ADAMTS17: variants seen among roughly 807,000 people sequenced by gnomAD.
ADAMTS17 encodes ADAM metallopeptidase with thrombospondin type 1 motif 17.
Under a neutral mutation model 141.5 loss-of-function variants are expected in ADAMTS17, and 113 were observed. The observed-to-expected ratio is 0.80, with a 90% CI of 0.69 to 0.93. ADAMTS17 has a LOEUF of 0.93. ADAMTS17 is among the 40% of genes least tolerant of loss of function. The pLI is 0.00. For missense variants in ADAMTS17, 1,659 were observed against 1,517.9 expected, an observed-to-expected ratio of 1.09 and a Z score of -1.54; for synonymous variants, 768 against 630.6, an observed-to-expected ratio of 1.22 and a Z score of -3.27.
intron 3 of ADAMTS17, among the ~76,000 whole-genome samples, chr15:100,314,641 G>C (rs1490113940): frequency 2.0e-5 from 3 of 152,192 alleles, no homozygotes; most frequent in African/African-American, 2.4e-5. Flanking sequence ...CAAGTAAAGG[G>C]GACAAGGATA....
chr15:100,225,507 T>C (rs902167071), intron 7 of ADAMTS17, among the ~76,000 whole-genome samples: 1 of 151,408 alleles, frequency 6.6e-6, no homozygotes, highest in Non-Finnish European at 1.5e-5. Context: ...ATTCAGTCCT[T>C]ACAGCAGTCA....
At chr15:100,312,301 A>AC (rs2045431227) in intron 3 of ADAMTS17, among the ~76,000 whole-genome samples, 1 of 152,212 alleles carries the variant, frequency 6.6e-6, no homozygotes, top group Admixed American at 6.5e-5. Flanking sequence ...AAAAGACTCA[A>AC]CAGCCACTGC....
At chr15:100,260,745 T>C (rs1453333327) in intron 6 of ADAMTS17, among the ~76,000 whole-genome samples, 2 of 152,046 alleles carry the variant, frequency 1.3e-5, no homozygotes, top group African/African-American at 2.4e-5. Context: ...ATTCACAGAG[T>C]TGGAAAAGCA....
intron 15 of ADAMTS17, among the ~76,000 whole-genome samples, chr15:100,085,933 A>G (rs1439319084): frequency 1.3e-5 from 2 of 152,066 alleles, no homozygotes; most frequent in Non-Finnish European, 2.9e-5. Flanking sequence ...AAGAAACTGC[A>G]TCAACTAATG....
intron 18 of ADAMTS17, among the ~76,000 whole-genome samples, chr15:100,028,806 TCTTCTACCTTTGC>T (rs1951619074): frequency 6.6e-6 from 1 of 152,222 alleles, no homozygotes; most frequent in Admixed American, 6.5e-5. Flanking sequence ...TTGCCTGCTT[TCTTCTACCTTTGC>T]CTTCTACCTT....
chr15:100,151,103 G>T (rs181784891), intron 10 of ADAMTS17, among the ~76,000 whole-genome samples: 1 of 152,262 alleles, frequency 6.6e-6, no homozygotes, highest in Admixed American at 6.5e-5. Flanking sequence ...TCTCCCCATG[G>T]AGGTGTCCTT....
intron 8 of ADAMTS17, among the ~76,000 whole-genome samples, chr15:100,193,966 C>G (rs1370001574): frequency 2.0e-5 from 3 of 152,226 alleles, no homozygotes; most frequent in Non-Finnish European, 2.9e-5. Context: ...TGGGCCGGCT[C>G]CCAGGGCCAG....
chr15:100,070,547 AGAC>A (rs2033893243), intron 15 of ADAMTS17, among the ~76,000 whole-genome samples: 1 of 150,268 alleles, frequency 6.7e-6, no homozygotes, highest in Non-Finnish European at 1.5e-5. Flanking sequence ...ACTGTCTCTC[AGAC>A]CACGGTGCAA....
At chr15:100,017,212 A>G (rs1456375473) in intron 18 of ADAMTS17, among the ~76,000 whole-genome samples, 1 of 152,200 alleles carries the variant, frequency 6.6e-6, no homozygotes, top group Non-Finnish European at 1.5e-5. Context: ...CTCACTCGCA[A>G]CGTGCCCCCT....
In ADAMTS17 at chr15:100,095,653, G is replaced by A. The variant is rs900947119; in HGVS notation, c.2137+703C>T. Among the ~76,000 whole-genome samples, 15 of 152,150 alleles carry A rather than the reference G, an allele frequency of 9.9e-5. No individual in the cohort carries two copies. The East Asian group carries it at 1.5e-3, about 16-fold the overall frequency. On this transcript the variant is annotated intron_variant, in intron 15 of 21. Coordinates refer to ENST00000268070, the MANE Select transcript of ADAMTS17 (RefSeq NM_139057.4). ...CCTCTCCAGCTGGCTTGCCTGCCTC[G>A]TGCTCCCCTCACTAGGTGTCAACTA...
intron 18 of ADAMTS17, among the ~76,000 whole-genome samples, chr15:100,036,930 G>A (rs72768065): frequency 0.032 from 4,830 of 152,128 alleles, 94 homozygotes; most frequent in Non-Finnish European, 0.052. Context: ...ATAATATTGC[G>A]CTGCCTGAAT....
intron 8 of ADAMTS17, among the ~76,000 whole-genome samples, chr15:100,165,946 T>C (rs770035478): frequency 3.3e-5 from 5 of 152,186 alleles, no homozygotes; most frequent in Admixed American, 6.5e-5. Flanking sequence ...TTCTTCCCTA[T>C]GATTTTAGCT....
chr15:100,282,623 G>A (rs549863659), intron 3 of ADAMTS17, among the ~76,000 whole-genome samples: 33 of 152,278 alleles, frequency 2.2e-4, no homozygotes, highest in East Asian at 1.2e-3. Flanking sequence ...CTGGTTGACC[G>A]TGAATAAATG....
intron 4 of ADAMTS17, among the ~76,000 whole-genome samples, chr15:100,263,974 G>C (rs531146325): frequency 6.6e-6 from 1 of 152,326 alleles, no homozygotes; most frequent in East Asian, 1.9e-4. Flanking sequence ...AGCCAGGCAC[G>C]CAGTGTTTGA....
intron 7 of ADAMTS17, among the ~76,000 whole-genome samples, chr15:100,216,433 C>T (rs938544537): frequency 2.6e-5 from 4 of 152,178 alleles, no homozygotes; most frequent in African/African-American, 9.7e-5. Context: ...TGAAGAACAG[C>T]AAAGAGCTGG....
At chr15:100,243,745 C>G (rs1291409952) in intron 7 of ADAMTS17, among the ~76,000 whole-genome samples, 1 of 150,088 alleles carries the variant, frequency 6.7e-6, no homozygotes, top group Non-Finnish European at 1.5e-5. Context: ...AGCGGAGATC[C>G]TGCCACTGCA....
At chr15:100,082,399 G>C (rs1440340645) in intron 15 of ADAMTS17, among the ~76,000 whole-genome samples, 1 of 133,814 alleles carries the variant, frequency 7.5e-6, no homozygotes. Flanking sequence ...TTTTTTTTTT[G>C]AGACAGGGTC....
In ADAMTS17 at chr15:100,108,678, T is replaced by C. The variant is rs548013734; in HGVS notation, c.2016+311A>G. Among the ~76,000 whole-genome samples the C allele has an allele frequency of 1.4e-4, 21 of 152,348 alleles. No homozygotes were observed. The East Asian group carries it at 3.9e-3, about 28-fold the overall frequency. Reference sequence around the variant, plus strand: ...TGGGGCCTGGCTTGTGCAGACATCCTTTAGGCGCATCTTAGTACCCTGCCT... The same window carrying C: ...TGGGGCCTGGCTTGTGCAGACATCCCTTAGGCGCATCTTAGTACCCTGCCT... On this transcript the variant is annotated intron_variant, in intron 14 of 21. Transcript: ENST00000268070.
At chr15:100,232,767 C>T (rs1173536983) in intron 7 of ADAMTS17, among the ~76,000 whole-genome samples, 1 of 152,208 alleles carries the variant, frequency 6.6e-6, no homozygotes, top group Non-Finnish European at 1.5e-5. Flanking sequence ...CCAGGCCCTC[C>T]TCTCACTGCC....
Sources: gnomAD v4.1 joint callset for allele counts (sites outside exome capture counted in the v4.1 genomes callset) on GRCh38, gnomAD v4.1.1 for gene constraint, MANE v1.5 for transcripts, NCBI Gene and HGNC (gene_info 2026-07-23, HGNC 2026-07-21) for gene names.